Variants in RPL7L1 observed in about 807,000 individuals in gnomAD.
RPL7L1 encodes the protein ribosomal protein uL30-like.
In RPL7L1, 20 loss-of-function variants were observed where a neutral mutation model predicts 30.3. The observed-to-expected ratio is 0.66, with a 90% confidence interval of 0.46 to 0.96. RPL7L1 has a LOEUF of 0.96. Ranked by LOEUF, RPL7L1 falls within the 40% of genes least tolerant of loss-of-function variation. RPL7L1 has a pLI of 0.00. For missense variants in RPL7L1, 271 were observed against 314.9 expected (o/e 0.86, Z 1.05); for synonymous variants, 107 against 110.1 (o/e 0.97, Z 0.18).
chr6:42,880,011 G>A (rs1661041665), intron 1 of RPL7L1, 60 bp downstream of exon 1: 2 of 1,524,394 alleles, frequency 1.3e-6, no homozygotes, highest in African/African-American at 1.4e-5. Flanking sequence ...TGCCATCCAC[G>A]GTGTTTATGC....
At chr6:42,883,289 G>T (rs1449486798) in intron 2 of RPL7L1, 162 bp from the exon 3 acceptor site, 2 of 498,798 alleles carry the variant, frequency 4.0e-6, no homozygotes, top group Admixed American at 4.0e-5. Context: ...CTTTACTTTG[G>T]TTTCTCATTT....
Position 42,886,523 on chromosome 6 carries a change from T to C in RPL7L1, c.*59T>C. ...GGCTGACTTTTGATAGGCCATGCCT[T>C]GCCACTTTACAAGTTCTTTTTGCAT... On this transcript the variant is annotated 3_prime_UTR_variant, in exon 6 of 6. Coordinates refer to ENST00000493763, the MANE Select transcript of RPL7L1 (RefSeq NM_001366481.3). 3 of 786,272 alleles carry C rather than the reference T, an allele frequency of 3.8e-6. No homozygotes were observed. The highest frequency in any genetic ancestry group is 6.4e-6 in the Non-Finnish European group (3 of 465,854). The allele number at this position is 786,272 out of a possible 1,614,324, so 48.7% of individuals were successfully genotyped here.
Position 42,886,339 on chromosome 6 carries a change from T to C in RPL7L1, c.643T>C (p.Leu215=), listed in dbSNP as rs1193252874. ...GCATTTCCAGGAGATCTCATGGTTC[T>C]TGTGCCCTTTCCACCTCTCAGTGGC... The part of the protein sequence containing the change: ...GKHFQEISWF[L]CPFHLSVARH... The change falls in exon 6 of 6, where the codon TTG becomes CTG. Residue 215 remains leucine (L), a synonymous_variant. Coordinates refer to ENST00000493763, the MANE Select transcript of RPL7L1 (RefSeq NM_001366481.3). The C allele has an allele frequency of 6.2e-7, 1 of 1,607,042 alleles. No homozygotes were observed. Among genetic ancestry groups the C allele is most frequent in the South Asian group, 1.1e-5 (1 of 90,992 alleles).
Position 42,888,812 on chromosome 6 carries a change from G to T in RPL7L1, c.*2348G>T, listed in dbSNP as rs1224814341. On this transcript the variant is annotated 3_prime_UTR_variant, in exon 6 of 6. Coordinates refer to ENST00000493763, the MANE Select transcript of RPL7L1 (RefSeq NM_001366481.3). Reference sequence around the variant, plus strand: ...CTTAATTTTTTCCTTGCATATTCTAGTCTTCAGAAGCATTGCCTTTTGTCC... The same window carrying T: ...CTTAATTTTTTCCTTGCATATTCTATTCTTCAGAAGCATTGCCTTTTGTCC... The T allele has an allele frequency of 6.6e-6, 1 of 152,204 alleles. No individual in the cohort carries two copies. The highest frequency in any genetic ancestry group is 2.4e-5 in the African/African-American group (1 of 41,444). The allele number at this position is 152,204 out of a possible 1,614,324, so 9.4% of individuals were successfully genotyped here.
chr6:42,886,317 T>C lies in RPL7L1; in HGVS notation c.621T>C (p.His207=), dbSNP rs779514905. The change falls in exon 6 of 6, where the codon CAT becomes CAC. Residue 207 remains histidine (H), a synonymous_variant. Coordinates refer to ENST00000493763, the MANE Select transcript of RPL7L1 (RefSeq NM_001366481.3). ...LIHEIAFPGK[H]FQEISWFLCP... ...ATGAAATTGCCTTCCCAGGGAAGCA[T>C]TTCCAGGAGATCTCATGGTTCTTGT... The C allele has an allele frequency of 8.7e-6, 14 of 1,610,592 alleles. No individual in the cohort carries two copies. The highest frequency in any genetic ancestry group is 4.5e-4 in the Middle Eastern group (2 of 4,436).
intron 1 of RPL7L1, 84 bp from the exon 2 acceptor site, chr6:42,880,777 T>G (rs2114076255): frequency 2.8e-6 from 2 of 712,040 alleles, no homozygotes; most frequent in Middle Eastern, 4.0e-4. Flanking sequence ...CCTCCCAGAG[T>G]GCTGGGATTA....
In RPL7L1 at chr6:42,886,467, C is replaced by T; in HGVS notation, c.*3C>T. The T allele has an allele frequency of 4.7e-6, 7 of 1,474,754 alleles. No homozygotes were observed. Among genetic ancestry groups the T allele is most frequent in the Non-Finnish European group, 6.5e-6 (7 of 1,072,738 alleles). 91.4% of individuals were successfully genotyped at this position (1,474,754 alleles called of 1,614,324 possible). On this transcript the variant is annotated 3_prime_UTR_variant, in exon 6 of 6. Coordinates refer to ENST00000493763, the MANE Select transcript of RPL7L1 (RefSeq NM_001366481.3). ...AGCTCATCCGTCAGCTGAACTAGACCCAGGTGAGGCAGGGCTGAAAACTGC... is the reference window on the plus strand; with the variant it reads ...AGCTCATCCGTCAGCTGAACTAGACTCAGGTGAGGCAGGGCTGAAAACTGC...
Position 42,889,775 on chromosome 6 carries a change from A to C in RPL7L1, c.*3311A>C, listed in dbSNP as rs1361510279. ...ACAATAGTTTGTAATTTATTCTGTC[A>C]GAGCAAACTGCTGGTAAATAAAAGG... On this transcript the variant is annotated 3_prime_UTR_variant, in exon 6 of 6. Coordinates refer to ENST00000493763, the MANE Select transcript of RPL7L1 (RefSeq NM_001366481.3). The C allele has an allele frequency of 2.6e-5, 4 of 152,270 alleles. 1 individual carries two copies. The allele number at this position is 152,270 out of a possible 1,614,324, so 9.4% of individuals were successfully genotyped here.
rs894975670 is a variant in RPL7L1, at chr6:42,888,685, G to C, written c.*2221G>C. 7 of 152,242 alleles carry C rather than the reference G, an allele frequency of 4.6e-5. No individual in the cohort carries two copies. Among genetic ancestry groups the C allele is most frequent in the Admixed American group, 4.6e-4 (7 of 15,272 alleles). 9.4% of individuals were successfully genotyped at this position (152,242 alleles called of 1,614,324 possible). On this transcript the variant is annotated 3_prime_UTR_variant, in exon 6 of 6. Transcript: ENST00000493763. Reference sequence around the variant, plus strand: ...AATTGCCTGGTTTCTCTGATGATCAGCATGGTTCCTTAAAACCCAAATCAG... The same window carrying C: ...AATTGCCTGGTTTCTCTGATGATCACCATGGTTCCTTAAAACCCAAATCAG...
At chr6:42,881,652 C>G (rs1766085579) in intron 2 of RPL7L1, 1 of 152,026 alleles carries the variant, frequency 6.6e-6, no homozygotes, top group South Asian at 2.1e-4. Context: ...CTCACTGCAA[C>G]CTCTGCCTAC....
rs558824104 is a variant in RPL7L1, at chr6:42,889,090, T to C, written c.*2626T>C. 1.3e-5 allele frequency: 2 copies of C among 152,284 alleles called. No individual in the cohort carries two copies. Among genetic ancestry groups the C allele is most frequent in the East Asian group, 1.9e-4 (1 of 5,176 alleles). 9.4% of individuals were successfully genotyped at this position (152,284 alleles called of 1,614,324 possible). A position where few individuals can be genotyped will look rare whatever the true frequency, so the allele number is the denominator to read the frequency against. On this transcript the variant is annotated 3_prime_UTR_variant, in exon 6 of 6. Transcript: ENST00000493763. ...AGATCAGTTTGGCTGCAATTTTGGC[T>C]CCTTGGACCCTCAAGCATAGCTGGT...
rs774151147 is a variant in RPL7L1, at chr6:42,883,381, T to G, written c.148-70T>G. On this transcript the variant is annotated intron_variant, in intron 2 of 5. Coordinates refer to ENST00000493763, the MANE Select transcript of RPL7L1 (RefSeq NM_001366481.3). ...AATAAGCTATATCAGTTGTCACTTA[T>G]GAATTACTGTTCTAAAAGTAAAAAT... The G allele has an allele frequency of 4.0e-6, 5 of 1,250,546 alleles. No homozygotes were observed. The South Asian group carries it at 8.6e-5, about 21-fold the overall frequency. The allele number at this position is 1,250,546 out of a possible 1,614,324, so 77.5% of individuals were successfully genotyped here.
In RPL7L1 at chr6:42,884,604, T is replaced by C. The variant is rs199708783; in HGVS notation, c.312-9T>C. Reference sequence around the variant, plus strand: ...GAGTCTGTCTGACTTCTGTTGCTGTTCATTTCAGGATTGACGGCGTGAGTT... The same window carrying C: ...GAGTCTGTCTGACTTCTGTTGCTGTCCATTTCAGGATTGACGGCGTGAGTT... On this transcript the variant is annotated splice_polypyrimidine_tract_variant and intron_variant, in intron 3 of 5. Transcript: ENST00000493763. 4.5e-4 allele frequency: 725 copies of C among 1,611,252 alleles called. No homozygotes were observed. Among genetic ancestry groups the C allele is most frequent in the Non-Finnish European group, 5.8e-4 (688 of 1,179,110 alleles).
chr6:42,886,979 CGA>C lies in RPL7L1; in HGVS notation c.*518_*519del, dbSNP rs1371439128. ...AGTGCACTCCAGCTGGGCGACAGAG[CGA>C]GACTCCATCTCGGAAAAAAAAAAAA... On this transcript the variant is annotated 3_prime_UTR_variant, in exon 6 of 6. Transcript: ENST00000493763. 7.5e-6 allele frequency: 1 copy of C among 132,938 alleles called. No homozygotes were observed. Among genetic ancestry groups the C allele is most frequent in the Non-Finnish European group, 1.5e-5 (1 of 65,802 alleles). The allele number at this position is 132,938 out of a possible 1,614,324, so 8.2% of individuals were successfully genotyped here.
Position 42,884,609 on chromosome 6 carries a change from T to A in RPL7L1, c.312-4T>A. ...TGTCTGACTTCTGTTGCTGTTCATTTCAGGATTGACGGCGTGAGTTTACTG... is the reference window on the plus strand; with the variant it reads ...TGTCTGACTTCTGTTGCTGTTCATTACAGGATTGACGGCGTGAGTTTACTG... On this transcript the variant is annotated splice_polypyrimidine_tract_variant and splice_region_variant and intron_variant, in intron 3 of 5. Transcript: ENST00000493763. 1 of 1,611,888 alleles carries A rather than the reference T, an allele frequency of 6.2e-7. No individual in the cohort carries two copies. The highest frequency in any genetic ancestry group is 2.2e-5 in the East Asian group (1 of 44,878).
In RPL7L1 at chr6:42,886,546, C is replaced by G. The variant is rs184556372; in HGVS notation, c.*82C>G. On this transcript the variant is annotated 3_prime_UTR_variant, in exon 6 of 6. Coordinates refer to ENST00000493763, the MANE Select transcript of RPL7L1 (RefSeq NM_001366481.3). ...CTTGCCACTTTACAAGTTCTTTTTG[C>G]ATTTACTAGTATTTAAGAGTAACCT... The G allele has an allele frequency of 4.7e-5, 34 of 724,192 alleles. No individual in the cohort carries two copies. In the African/African-American group the frequency reaches 4.9e-4, roughly 10 times the overall value. The allele number at this position is 724,192 out of a possible 1,614,324, so 44.9% of individuals were successfully genotyped here.
rs1457235649 is a variant in RPL7L1, at chr6:42,884,721, G to A, written c.420G>A (p.Leu140=). ...TCACCCCCCAGAATCTAAAAATGCT[G>A]CGTATAGTGGAACCTTATGTGACCT... The part of the protein sequence containing the change: ...VKVTPQNLKM[L]RIVEPYVTWG... Residue 140 remains leucine, a synonymous_variant, in exon 4 of 6, where the codon CTG becomes CTA. Transcript: ENST00000493763. The A allele has an allele frequency of 3.1e-6, 5 of 1,613,958 alleles. No homozygotes were observed. The highest frequency in any genetic ancestry group is 4.2e-6 in the Non-Finnish European group (5 of 1,180,012).
Position 42,886,568 on chromosome 6 carries a change from A to G in RPL7L1, c.*104A>G. ...TTGCATTTACTAGTATTTAAGAGTA[A>G]CCTTGAGATTGGGAGGAATAGAGGA... On this transcript the variant is annotated 3_prime_UTR_variant, in exon 6 of 6. Transcript: ENST00000493763. 1.5e-6 allele frequency: 1 copy of G among 684,012 alleles called. No homozygotes were observed. Among genetic ancestry groups the G allele is most frequent in the Non-Finnish European group, 2.6e-6 (1 of 390,898 alleles). The allele number at this position is 684,012 out of a possible 1,614,324, so 42.4% of individuals were successfully genotyped here. A position where few individuals can be genotyped will look rare whatever the true frequency, so the allele number is the denominator to read the frequency against.
Position 42,884,712 on chromosome 6 carries a change from A to G in RPL7L1, c.411A>G (p.Leu137=), listed in dbSNP as rs1300328630. Residue 137 remains leucine, a synonymous_variant, in exon 4 of 6, where the codon CTA becomes CTG. Transcript: ENST00000493763. ...TTGTAAAAGTCACCCCCCAGAATCT[A>G]AAAATGCTGCGTATAGTGGAACCTT... ...GVFVKVTPQN[L]KMLRIVEPYV... is the part of the protein sequence containing the mutation. 1 of 1,614,058 alleles carries G rather than the reference A, an allele frequency of 6.2e-7. No individual in the cohort carries two copies. Among genetic ancestry groups the G allele is most frequent in the Non-Finnish European group, 8.5e-7 (1 of 1,179,948 alleles).
Sources: gnomAD v4.1 joint callset for allele counts on GRCh38, gnomAD v4.1.1 for gene constraint, MANE v1.5 for transcripts, NCBI Gene and HGNC (gene_info 2026-07-23, HGNC 2026-07-21) for gene names.